The following WWOX variants were observed in gnomAD, a reference collection of about 807,000 sequenced individuals.
WWOX encodes WW domain containing oxidoreductase.
In WWOX, 69 loss-of-function variants were observed where a neutral mutation model predicts 46.2. The observed-to-expected ratio is 1.49, with a 90% CI of 1.23 to 1.82. The LOEUF is 1.82. Ranked by LOEUF, WWOX falls within the 40% of genes most tolerant of loss-of-function variation. The pLI is 0.00. For synonymous variants in WWOX, 359 were observed against 202.6 expected, an observed-to-expected ratio of 1.77 and a Z score of -6.56; for missense variants, 919 against 542.6, an observed-to-expected ratio of 1.69 and a Z score of -6.89.
intron 5 of WWOX, among the ~76,000 whole-genome samples, chr16:78,229,890 T>C (rs1056020062): frequency 2.0e-5 from 3 of 152,146 alleles, no homozygotes; most frequent in African/African-American, 7.2e-5. Flanking sequence ...TTTCTTTCTT[T>C]TTTTTTCTAA....
intron 8 of WWOX, among the ~76,000 whole-genome samples, chr16:78,607,306 G>C (rs186905772): frequency 4.1e-4 from 62 of 152,080 alleles, no homozygotes; most frequent in African/African-American, 1.3e-3. Context: ...TAAGAATCGG[G>C]GCTCCTGTGA....
intron 7 of WWOX, among the ~76,000 whole-genome samples, chr16:78,431,760 A>T (rs1469282005): frequency 6.6e-6 from 1 of 151,218 alleles, no homozygotes; most frequent in Non-Finnish European, 1.5e-5. Context: ...TCTGTTGCCC[A>T]GGCTAGAGTT....
chr16:78,761,374 C>T (rs960484091), intron 8 of WWOX, among the ~76,000 whole-genome samples: 4 of 152,078 alleles, frequency 2.6e-5, no homozygotes, highest in Admixed American at 6.6e-5. Context: ...TCAGGGAGAA[C>T]TCTTTAGCAT....
At chr16:78,914,134 C>G (rs1235229898) in intron 8 of WWOX, among the ~76,000 whole-genome samples, 1 of 152,046 alleles carries the variant, frequency 6.6e-6, no homozygotes, top group Admixed American at 6.6e-5. Context: ...TCCTGGCTAT[C>G]CTGTCCAAAG....
At chr16:79,037,039 C>G (rs1474684534) in intron 8 of WWOX, among the ~76,000 whole-genome samples, 1 of 152,172 alleles carries the variant, frequency 6.6e-6, no homozygotes, top group Admixed American at 6.5e-5. Flanking sequence ...TACTGCTTCT[C>G]AGGCACTCTG....
chr16:78,852,366 C>G (rs1042402134), intron 8 of WWOX, among the ~76,000 whole-genome samples: 1 of 152,194 alleles, frequency 6.6e-6, no homozygotes, highest in Non-Finnish European at 1.5e-5. Flanking sequence ...CTTTGCTTCT[C>G]TTGGATCACT....
chr16:78,864,135 C>T (rs1190619871), intron 8 of WWOX, among the ~76,000 whole-genome samples: 2 of 152,160 alleles, frequency 1.3e-5, no homozygotes, highest in Non-Finnish European at 2.9e-5. Context: ...AACTACCTAC[C>T]TAACCACCTA....
intron 8 of WWOX, among the ~76,000 whole-genome samples, chr16:78,634,299 G>C (rs2046511361): frequency 6.6e-6 from 1 of 152,186 alleles, no homozygotes; most frequent in Non-Finnish European, 1.5e-5. Context: ...ATGTCCAAGT[G>C]TGGAAATGAT....
At chr16:78,725,443 A>T (rs1348219463) in intron 8 of WWOX, among the ~76,000 whole-genome samples, 1 of 132,666 alleles carries the variant, frequency 7.5e-6, no homozygotes, top group Non-Finnish European at 1.5e-5. Context: ...CACTTCCCGG[A>T]TTTAAGCGAT....
At chr16:78,206,329 G>A (rs1036691362) in intron 5 of WWOX, among the ~76,000 whole-genome samples, 6 of 151,990 alleles carry the variant, frequency 3.9e-5, no homozygotes, top group Non-Finnish European at 5.9e-5. Context: ...AAGTATTTTG[G>A]TTGTTAAAAT....
At chr16:78,960,972 T>C (rs934543100) in intron 8 of WWOX, among the ~76,000 whole-genome samples, 2 of 152,170 alleles carry the variant, frequency 1.3e-5, no homozygotes, top group Non-Finnish European at 2.9e-5. Context: ...GAAGAATCTA[T>C]AATGTATTCT....
intron 8 of WWOX, among the ~76,000 whole-genome samples, chr16:79,000,260 C>G (rs2047067717): frequency 6.6e-6 from 1 of 152,182 alleles, no homozygotes; most frequent in Non-Finnish European, 1.5e-5. Context: ...CTCCTCCTTC[C>G]TTTAGATCCC....
chr16:79,148,797 T>C (rs112567108), intron 8 of WWOX, among the ~76,000 whole-genome samples: 3 of 148,060 alleles, frequency 2.0e-5, no homozygotes, highest in Non-Finnish European at 3.0e-5. Flanking sequence ...GTAAATGGCA[T>C]TGTGTTTTTA....
In WWOX at chr16:78,857,843, T is replaced by C. The variant is rs1159692068; in HGVS notation, c.1057-353765T>C. ...GTTTTTGGTTATTTTGAAGAACAAG[T>C]TGGCATTTTTGACCGAAATTAAACA... On this transcript the variant is annotated intron_variant, in intron 8 of 8. Coordinates refer to ENST00000566780, the MANE Select transcript of WWOX (RefSeq NM_016373.4). Among the ~76,000 whole-genome samples, 7 of 152,356 alleles carry C rather than the reference T, an allele frequency of 4.6e-5. No individual in the cohort carries two copies. In the East Asian group the frequency reaches 5.8e-4, roughly 13 times the overall value.
intron 6 of WWOX, among the ~76,000 whole-genome samples, chr16:78,416,551 C>T (rs911305195): frequency 6.6e-6 from 1 of 152,196 alleles, no homozygotes; most frequent in African/African-American, 2.4e-5. Context: ...TCTGTGGGTT[C>T]TTGCCTCCAG....
chr16:78,548,001 A>G (rs1462967109), intron 8 of WWOX, among the ~76,000 whole-genome samples: 3 of 152,054 alleles, frequency 2.0e-5, no homozygotes, highest in East Asian at 1.9e-4. Context: ...AAAACATTTT[A>G]AAAATTAGCC....
intron 8 of WWOX, among the ~76,000 whole-genome samples, chr16:78,682,528 A>G (rs1354402677): frequency 6.6e-6 from 1 of 152,060 alleles, no homozygotes; most frequent in African/African-American, 2.4e-5. Flanking sequence ...GGCTGCAACG[A>G]CTTACGATCA....
intron 8 of WWOX, among the ~76,000 whole-genome samples, chr16:78,643,960 C>T (rs556186972): frequency 2.6e-5 from 4 of 152,210 alleles, no homozygotes; most frequent in South Asian, 2.1e-4. Context: ...CGGTGGCTCA[C>T]GCCTGTAATC....
chr16:78,777,754 A>G (rs894306275), intron 8 of WWOX, among the ~76,000 whole-genome samples: 52 of 152,188 alleles, frequency 3.4e-4, no homozygotes, highest in African/African-American at 1.2e-3. Flanking sequence ...TTGCATAGAA[A>G]CTCACATTTC....
Sources: allele counts gnomAD v4.1 joint callset (sites outside exome capture counted in the v4.1 genomes callset), GRCh38; gene constraint gnomAD v4.1.1; transcripts MANE v1.5; gene names NCBI Gene and HGNC (gene_info 2026-07-23, HGNC 2026-07-21).